Variants in URB1 observed in about 807,000 individuals in gnomAD.
URB1 encodes nucleolar pre-ribosomal-associated protein 1.
In URB1, 197 loss-of-function variants were observed where a neutral mutation model predicts 242.3. That is an observed-to-expected ratio of 0.81 (90% CI 0.72 to 0.91). URB1 has a LOEUF of 0.91. URB1 is among the 40% of genes least tolerant of loss of function. URB1 has a pLI of 0.00. For synonymous variants in URB1, 1,153 were observed against 1,201.8 expected, an observed-to-expected ratio of 0.96 and a Z score of 0.84; for missense variants, 2,721 against 2,860.5, an observed-to-expected ratio of 0.95 and a Z score of 1.11.
chr21:32,317,383 CAGG>C (rs1452061975), intron 37 of URB1, among the ~76,000 whole-genome samples: 1 of 152,206 alleles, frequency 6.6e-6, no homozygotes, highest in African/African-American at 2.4e-5. Context: ...CCCTGCACTA[CAGG>C]AGGAGGTTGG....
chr21:32,359,529 T>A (rs1246570133), intron 14 of URB1, among the ~76,000 whole-genome samples: 1 of 152,208 alleles, frequency 6.6e-6, no homozygotes, highest in African/African-American at 2.4e-5. Flanking sequence ...TGTAAAACAG[T>A]TGAGATAAAC....
chr21:32,367,423 A>T (rs79810971), intron 9 of URB1, among the ~76,000 whole-genome samples: 2 of 152,290 alleles, frequency 1.3e-5, no homozygotes, highest in East Asian at 3.9e-4. Context: ...CCAAGGGTAA[A>T]TGTGGAGACT....
At position 32,349,385 on chromosome 21, in the gene URB1, C is replaced by G. The variant is rs1314286484; in HGVS notation, c.2931G>C (p.Gln977His). ...HCEQLDAQNQ[Q>H]RCEAARAEAD... ...CTTCGGCCCGGGCGGCCTCGCATCT[C>G]TGCTGGTTCTGGGCATCCAGCTGCT... The change falls in exon 21 of 39, where the codon CAG becomes CAC. Residue 977 changes from glutamine to histidine, a missense_variant. Coordinates refer to ENST00000382751, the MANE Select transcript of URB1 (RefSeq NM_014825.3). 4.5e-6 allele frequency: 7 copies of G among 1,551,542 alleles called. No homozygotes were observed. The South Asian group carries it at 8.3e-5, about 18-fold the overall frequency.
In URB1 at chr21:32,317,605, A is replaced by G. The variant is rs552228946; in HGVS notation, c.6034+71T>C. The G allele has an allele frequency of 6.8e-4, 1,036 of 1,515,670 alleles. 8 individuals are homozygous for G. Among genetic ancestry groups the G allele is most frequent in the South Asian group, 6.2e-3 (487 of 79,148 alleles). 93.9% of individuals were successfully genotyped at this position (1,515,670 alleles called of 1,614,324 possible). On this transcript the variant is annotated intron_variant, in intron 37 of 38. Transcript: ENST00000382751. ...GGAAATGTGGCTGAGAGACAGAGAG[A>G]GAGGGAGGGACGGACAGGGTGAGAG...
chr21:32,385,794 A>G, intron 1 of URB1, 110 bp from the exon 2 acceptor site: 1 of 1,346,122 alleles, frequency 7.4e-7, no homozygotes, highest in South Asian at 1.5e-5. Context: ...CGATCCACCT[A>G]CACTGCACAG....
intron 34 of URB1, 56 bp from the exon 35 acceptor site, chr21:32,320,696 TA>T (rs1568807827): frequency 9.4e-6 from 12 of 1,269,984 alleles, no homozygotes; most frequent in African/African-American, 1.5e-5. Context: ...TTTACTTGAT[TA>T]AAGAAACCGT....
chr21:32,320,719 A>G, intron 34 of URB1, 79 bp from the exon 35 acceptor site: 1 of 1,036,046 alleles, frequency 9.7e-7, no homozygotes, highest in Non-Finnish European at 1.4e-6. Context: ...TTAAAAATTA[A>G]TGGTATGGTG....
At chr21:32,378,654 G>A (rs2033487319) in intron 4 of URB1, 113 bp from the exon 5 acceptor site, 2 of 835,784 alleles carry the variant, frequency 2.4e-6, no homozygotes, top group Non-Finnish European at 3.9e-6. Flanking sequence ...CAGCCCCCCA[G>A]CCTTGTCCCC....
chr21:32,351,014 A>G (rs1205856858), intron 19 of URB1, 92 bp from the exon 20 acceptor site: 1 of 1,301,718 alleles, frequency 7.7e-7, no homozygotes, highest in Non-Finnish European at 1.1e-6. Flanking sequence ...ACAAACGGAC[A>G]TTTCACAAAG....
At chr21:32,390,533 G>C (rs1233646718) in intron 1 of URB1, among the ~76,000 whole-genome samples, 32 of 151,912 alleles carry the variant, frequency 2.1e-4, no homozygotes, top group Non-Finnish European at 3.4e-4. Flanking sequence ...CCCTTTGTCA[G>C]ATGAGTAGAT....
rs2032654289 is a variant in URB1 at position 32,314,798 on chromosome 21, G to A, written c.*120C>T. 3 of 1,453,780 alleles carry A rather than the reference G, an allele frequency of 2.1e-6. No homozygotes were observed. The highest frequency in any genetic ancestry group is 2.8e-5 in the African/African-American group (2 of 70,694). The allele number at this position is 1,453,780 out of a possible 1,614,324, so 90.1% of individuals were successfully genotyped here. The stretch of plus-strand genomic sequence containing the variant: ...TTTCTTGTCAAAGAACTGAGCCAAT[G>A]TACTGAACCTGTTGTTTCCCATGCC... On this transcript the variant is annotated 3_prime_UTR_variant, in exon 39 of 39. Transcript: ENST00000382751.
chr21:32,349,490 G>A lies in URB1; in HGVS notation c.2833-7C>T, dbSNP rs1027647726. The A allele has an allele frequency of 6.5e-7, 1 of 1,540,384 alleles. No individual in the cohort carries two copies. Among genetic ancestry groups the A allele is most frequent in the East Asian group, 2.5e-5 (1 of 40,698 alleles). The stretch of plus-strand genomic sequence containing the variant: ...GGCCCACACTTCTGCCCAGCTGTGA[G>A]GACAAGAGCACGAGCCTCAGCAGGG... On this transcript the variant is annotated splice_polypyrimidine_tract_variant and splice_region_variant and intron_variant, in intron 20 of 38. Coordinates refer to ENST00000382751, the MANE Select transcript of URB1 (RefSeq NM_014825.3).
intron 14 of URB1, among the ~76,000 whole-genome samples, chr21:32,359,312 TTA>T (rs1357560886): frequency 5.3e-5 from 8 of 152,174 alleles, no homozygotes; most frequent in Non-Finnish European, 8.8e-5. Context: ...TGATTTAACA[TTA>T]TGTTCTCCAA....
At chr21:32,337,635 GGT>G in intron 26 of URB1, 121 bp from the exon 27 acceptor site, 1 of 707,126 alleles carries the variant, frequency 1.4e-6, no homozygotes, top group East Asian at 2.8e-5. Flanking sequence ...GAATAATACT[GGT>G]GTTTGGACTG....
In URB1 at chr21:32,361,325, C is replaced by T. The variant is rs527993459; in HGVS notation, c.1640-202G>A. Among the ~76,000 whole-genome samples, 6 of 149,946 alleles carry T rather than the reference C, an allele frequency of 4.0e-5. No individual in the cohort carries two copies. The East Asian group carries it at 1.2e-3, about 29-fold the overall frequency. Reference sequence around the variant, plus strand: ...AGGCTGCAGACAGACTGCTCAGTACCTAGATCTAATGAGTCAATGTGGTAA... The same window carrying T: ...AGGCTGCAGACAGACTGCTCAGTACTTAGATCTAATGAGTCAATGTGGTAA... On this transcript the variant is annotated intron_variant, in intron 12 of 38. Transcript: ENST00000382751.
rs1424730516 is a variant in URB1 at position 32,311,289 on chromosome 21, G to A, written c.*3629C>T. 5 of 202,380 alleles carry A rather than the reference G, an allele frequency of 2.5e-5. No homozygotes were observed. The highest frequency in any genetic ancestry group is 5.0e-5 in the Non-Finnish European group (5 of 99,610). 12.5% of individuals were successfully genotyped at this position (202,380 alleles called of 1,614,324 possible). A position where few individuals can be genotyped will look rare whatever the true frequency, so the allele number is the denominator to read the frequency against. On this transcript the variant is annotated 3_prime_UTR_variant, in exon 39 of 39. Coordinates refer to ENST00000382751, the MANE Select transcript of URB1 (RefSeq NM_014825.3). ...TGGGGATTATTACAATTCAAGGTGA[G>A]ATTTGTGTCGTGACGCAGCCAAACC...
intron 25 of URB1, among the ~76,000 whole-genome samples, chr21:32,339,569 C>A (rs939541156): frequency 6.6e-6 from 1 of 151,326 alleles, no homozygotes; most frequent in Non-Finnish European, 1.5e-5. Context: ...TGGCTCACTG[C>A]AAGCTCCGCC....
chr21:32,353,792 T>C, intron 18 of URB1, 141 bp downstream of exon 18: 1 of 999,232 alleles, frequency 1.0e-6, no homozygotes, highest in Non-Finnish European at 1.4e-6. Context: ...GCTGGCTGGG[T>C]AGCTATCACT....
Position 32,314,648 on chromosome 21 carries a change from G to C in URB1, c.*270C>G, listed in dbSNP as rs1176889600. ...CCAAGCCCCTAGAGAGGAAGGGGCG[G>C]CCTGACGAGGCACTGGATGGGCCTC... On this transcript the variant is annotated 3_prime_UTR_variant, in exon 39 of 39. Transcript: ENST00000382751. The C allele has an allele frequency of 6.2e-7, 1 of 1,614,006 alleles. No homozygotes were observed. The highest frequency in any genetic ancestry group is 1.7e-5 in the Admixed American group (1 of 60,020).
Sources: allele counts gnomAD v4.1 joint callset (sites outside exome capture counted in the v4.1 genomes callset), GRCh38; gene constraint gnomAD v4.1.1; transcripts MANE v1.5; gene names NCBI Gene and HGNC (gene_info 2026-07-23, HGNC 2026-07-21).